The following SH2D4B variants were observed in gnomAD, a reference collection of about 807,000 sequenced individuals.
SH2D4B encodes the protein SH2 domain-containing protein 4B.
SH2D4B carries 45 observed loss-of-function variants against 61.5 expected under a neutral mutation model. The observed-to-expected ratio is 0.73, with a 90% CI of 0.58 to 0.94. The LOEUF is 0.94. Ranked by LOEUF, SH2D4B falls within the 40% of genes least tolerant of loss-of-function variation. The probability of loss-of-function intolerance (pLI) is 0.00; values close to 1 mark genes in which losing one functional copy is unlikely to be tolerated. For missense variants in SH2D4B, 572 were observed against 574.2 expected (o/e 1.00, Z 0.04); for synonymous variants, 224 against 220.4 (o/e 1.02, Z -0.14).
intron 1 of SH2D4B, among the ~76,000 whole-genome samples, chr10:80,565,005 G>A (rs549974682): frequency 1.3e-5 from 2 of 152,338 alleles, no homozygotes; most frequent in African/African-American, 4.8e-5. Context: ...GACATTGGAA[G>A]TGAGGTACAG....
chr10:80,603,892 T>C (rs1842484638), intron 5 of SH2D4B, 97 bp downstream of exon 5: 1 of 1,133,504 alleles, frequency 8.8e-7, no homozygotes, highest in African/African-American at 1.5e-5. Context: ...CCAGATTTGC[T>C]GTGTAGTTTG....
rs548391907 is a variant in SH2D4B, at chr10:80,595,244, A to G, written c.643+6467A>G. On this transcript the variant is annotated intron_variant, in intron 4 of 7. Transcript: ENST00000646907. ...TGTATGCAGATGCCTCAGAGTAGCA[A>G]TGCCAGCACAGTGCAGTGCAAGCCT... 8.5e-5 allele frequency among the ~76,000 whole-genome samples: 13 copies of G among 152,278 alleles called. No individual in the cohort carries two copies. The South Asian group carries it at 1.9e-3, about 22-fold the overall frequency.
chr10:80,599,405 C>A (rs1269361752), intron 4 of SH2D4B, among the ~76,000 whole-genome samples: 4 of 152,304 alleles, frequency 2.6e-5, no homozygotes, highest in Non-Finnish European at 5.9e-5. Context: ...GGTGTTATAA[C>A]TCAGAATAAT....
chr10:80,543,820 G>T (rs12769064), intron 1 of SH2D4B, among the ~76,000 whole-genome samples: 1 of 129,122 alleles, frequency 7.7e-6, no homozygotes, highest in African/African-American at 3.3e-5. Flanking sequence ...ATGCACCAAT[G>T]GACACTCTGT....
At chr10:80,616,291 C>A (rs1842659382) in intron 6 of SH2D4B, among the ~76,000 whole-genome samples, 6 of 152,202 alleles carry the variant, frequency 3.9e-5, no homozygotes, top group Admixed American at 1.3e-4. Flanking sequence ...TGGAAATTTT[C>A]TACCAACTCT....
At chr10:80,571,293 C>T in intron 2 of SH2D4B, 138 bp from the exon 3 acceptor site, 1 of 937,838 alleles carries the variant, frequency 1.1e-6, no homozygotes, top group Non-Finnish European at 1.6e-6. Flanking sequence ...GTGAGAATGC[C>T]TATTTCTCCC....
intron 1 of SH2D4B, among the ~76,000 whole-genome samples, chr10:80,561,062 A>G (rs1841896535): frequency 6.6e-6 from 1 of 152,210 alleles, no homozygotes. Flanking sequence ...AAACTGATGT[A>G]TGATGAGTGT....
At chr10:80,557,235 A>T (rs541027859) in intron 1 of SH2D4B, among the ~76,000 whole-genome samples, 1 of 152,280 alleles carries the variant, frequency 6.6e-6, no homozygotes, top group African/African-American at 2.4e-5. Flanking sequence ...TGATAAAATC[A>T]TATATGGTCA....
At chr10:80,609,301 C>CGTG in intron 5 of SH2D4B, 123 bp from the exon 6 acceptor site, 2 of 955,958 alleles carry the variant, frequency 2.1e-6, no homozygotes, top group Non-Finnish European at 3.0e-6. Flanking sequence ...TTCTTCCACC[C>CGTG]CCCCTTCCTC....
rs142823629 is a variant in SH2D4B at position 80,571,609 on chromosome 10, G to T, written c.495+31G>T. 2.9e-4 allele frequency: 463 copies of T among 1,610,748 alleles called. 4 individuals carry two copies. The East Asian group carries it at 6.3e-3, about 22-fold the overall frequency. ...CCAGCGCATGGGGCCCCTGCGTGCG[G>T]CCACCTAATTAGCCCCTGAGACCAC... On this transcript the variant is annotated intron_variant, in intron 3 of 7. Coordinates refer to ENST00000646907, the MANE Select transcript of SH2D4B (RefSeq NM_001388272.1).
At chr10:80,611,806 T>G (rs544727191) in intron 6 of SH2D4B, among the ~76,000 whole-genome samples, 1 of 151,822 alleles carries the variant, frequency 6.6e-6, no homozygotes, top group Non-Finnish European at 1.5e-5. Context: ...TTTTAAAAGG[T>G]AACTTTTATA....
At chr10:80,634,226 G>A (rs531693700) in intron 6 of SH2D4B, 59 bp from the exon 7 acceptor site, 57 of 1,472,472 alleles carry the variant, frequency 3.9e-5, no homozygotes, top group African/African-American at 2.8e-4. Context: ...GTGGAGAATC[G>A]TGGGGGAGGC....
intron 1 of SH2D4B, among the ~76,000 whole-genome samples, chr10:80,550,952 TA>T (rs1841752238): frequency 6.6e-6 from 1 of 152,100 alleles, no homozygotes; most frequent in Admixed American, 6.6e-5. Context: ...ATCAAAGTAA[TA>T]AAAGAAAATA....
intron 6 of SH2D4B, among the ~76,000 whole-genome samples, chr10:80,614,577 AAG>A (rs747258422): frequency 6.6e-5 from 10 of 152,244 alleles, no homozygotes; most frequent in Non-Finnish European, 1.2e-4. Flanking sequence ...TAGTAGAAGA[AAG>A]AGCATTTTTG....
At chr10:80,604,118 C>T (rs1167204915) in intron 5 of SH2D4B, among the ~76,000 whole-genome samples, 1 of 152,220 alleles carries the variant, frequency 6.6e-6, no homozygotes, top group Non-Finnish European at 1.5e-5. Context: ...CAATTTGAGA[C>T]TCTAAGGGCC....
At chr10:80,610,879 G>A (rs1842589290) in intron 6 of SH2D4B, among the ~76,000 whole-genome samples, 2 of 152,136 alleles carry the variant, frequency 1.3e-5, no homozygotes, top group East Asian at 1.9e-4. Flanking sequence ...TATTTAAAAC[G>A]CTGATGGTTA....
At chr10:80,544,749 C>T (rs974636645) in intron 1 of SH2D4B, among the ~76,000 whole-genome samples, 4 of 152,246 alleles carry the variant, frequency 2.6e-5, no homozygotes, top group African/African-American at 7.2e-5. Flanking sequence ...CCCTACAATT[C>T]CTTCCCACAG....
At chr10:80,584,706 T>C (rs1214876260) in intron 3 of SH2D4B, among the ~76,000 whole-genome samples, 1 of 152,232 alleles carries the variant, frequency 6.6e-6, no homozygotes, top group Non-Finnish European at 1.5e-5. Context: ...CAGTAAACTA[T>C]TTTGATGCTG....
intron 4 of SH2D4B, among the ~76,000 whole-genome samples, chr10:80,591,049 T>A (rs1842319263): frequency 6.6e-6 from 1 of 151,212 alleles, no homozygotes; most frequent in African/African-American, 2.4e-5. Flanking sequence ...CAAGGTCCAT[T>A]CATGTTGTAG....
Sources: allele counts gnomAD v4.1 joint callset (sites outside exome capture counted in the v4.1 genomes callset), GRCh38; gene constraint gnomAD v4.1.1; transcripts MANE v1.5; gene names NCBI Gene and HGNC (gene_info 2026-07-23, HGNC 2026-07-21).